The following PPFIA3 variants were observed in gnomAD, a reference collection of about 807,000 sequenced individuals.
PPFIA3 encodes liprin-alpha-3.
A neutral mutation model predicts 145.8 loss-of-function variants in PPFIA3; 26 were observed. The observed-to-expected ratio is 0.18, with a 90% CI of 0.13 to 0.25. The LOEUF is 0.25. Among genes scored for constraint, PPFIA3 ranks in the 10% least tolerant of loss-of-function variants. PPFIA3 has a pLI of 1.00. For synonymous variants in PPFIA3, 645 were observed against 661.4 expected, an observed-to-expected ratio of 0.98 and a Z score of 0.38; for missense variants, 1,008 against 1,587.8, an observed-to-expected ratio of 0.63 and a Z score of 6.21.
At position 49,146,196 on chromosome 19, in the gene PPFIA3, G is replaced by C. The variant is rs1212276206; in HGVS notation, c.2835+4G>C. On this transcript the variant is annotated splice_donor_region_variant and intron_variant, in intron 23 of 29. Coordinates refer to ENST00000334186, the MANE Select transcript of PPFIA3 (RefSeq NM_003660.4). ...CAAGGAGATCAGCTGGGAGCAGGTA[G>C]GGGGCGCGGGGCGGGGCGTGAGCGC... 1 of 1,613,720 alleles carries C rather than the reference G, an allele frequency of 6.2e-7. No homozygotes were observed. The highest frequency in any genetic ancestry group is 1.3e-5 in the African/African-American group (1 of 74,936).
chr19:49,149,555 C>A lies in PPFIA3; in HGVS notation c.3363C>A (p.Ala1121=). ...CCGGCTCCTATACCTAGGACAGCGC[C>A]AAGTCTTTCAGCCGCTCCCCATCCT... ...GTDRRLDEDS[A]KSFSRSPSWR... is the part of the protein sequence containing the mutation. Residue 1121 remains alanine, a synonymous_variant, in exon 28 of 30, where the codon GCC becomes GCA. Transcript: ENST00000334186. This position sits in a 1 kb window ranked among gnomAD's most constrained non-coding sequence, Gnocchi z 5.7. The A allele has an allele frequency of 6.2e-7, 1 of 1,614,188 alleles. No individual in the cohort carries two copies. Among genetic ancestry groups the A allele is most frequent in the Non-Finnish European group, 8.5e-7 (1 of 1,180,034 alleles).
In PPFIA3 at chr19:49,130,543, C is replaced by T; in HGVS notation, c.823C>T (p.Arg275Cys). ...QLEEELGTAH[R>C]ELGKAEEANS... The stretch of plus-strand genomic sequence containing the variant: ...GGAGGAGGAGTTGGGCACCGCGCAC[C>T]GTGAGCTGGGCAAGGCAGAGGAAGC... The change falls in exon 7 of 30, where the codon CGT (arginine) becomes TGT (cysteine). Residue 275 changes from arginine to cysteine, a missense_variant. Around this residue, in one of 11 missense-constraint regions of PPFIA3, gnomAD observed 136 missense variants for 160.7 expected, o/e 0.85. Transcript: ENST00000334186. The surrounding 1 kb of genome is among the most constrained non-coding windows in gnomAD (Gnocchi z 4.5). 1.9e-6 allele frequency: 3 copies of T among 1,576,950 alleles called. No homozygotes were observed. Among genetic ancestry groups the T allele is most frequent in the Non-Finnish European group, 1.7e-6 (2 of 1,162,324 alleles).
chr19:49,141,994 A>T (rs1467854574), intron 19 of PPFIA3, 40 bp from the exon 20 acceptor site: 7 of 1,522,008 alleles, frequency 4.6e-6, no homozygotes, highest in Non-Finnish European at 6.2e-6. Flanking sequence ...GGGGGTCTCC[A>T]TCCCTGACAG....
intron 18 of PPFIA3, among the ~76,000 whole-genome samples, chr19:49,140,756 G>A (rs1180284597): frequency 1.4e-5 from 2 of 140,350 alleles, no homozygotes; most frequent in African/African-American, 5.4e-5. Context: ...CCAGGTTCAT[G>A]CCATTCTCCT....
At chr19:49,144,779 A>T (rs2041261664) in intron 21 of PPFIA3, among the ~76,000 whole-genome samples, 1 of 152,060 alleles carries the variant, frequency 6.6e-6, no homozygotes, top group Non-Finnish European at 1.5e-5. Context: ...GGATGCTCAG[A>T]GACCTGTACT....
chr19:49,141,353 C>A, intron 18 of PPFIA3, 67 bp from the exon 19 acceptor site: 2 of 1,264,796 alleles, frequency 1.6e-6, no homozygotes, highest in Non-Finnish European at 2.3e-6. Context: ...TTCCTCATCA[C>A]CTCCAGCATG....
At position 49,128,352 on chromosome 19, in the gene PPFIA3, C is replaced by G. The variant is rs771097332; in HGVS notation, c.241-15C>G. On this transcript the variant is annotated splice_polypyrimidine_tract_variant and intron_variant, in intron 2 of 29. Transcript: ENST00000334186. This position sits in a 1 kb window ranked among gnomAD's most constrained non-coding sequence, Gnocchi z 4.1. ...GATTGAGCCGAATGTCCAGATCCTG[C>G]CAATGTCTGGACAGGAGTTTGCAGC... The G allele has an allele frequency of 6.2e-7, 1 of 1,610,460 alleles. No homozygotes were observed. The highest frequency in any genetic ancestry group is 1.1e-5 in the South Asian group (1 of 91,000).
chr19:49,135,843 C>T lies in PPFIA3; in HGVS notation c.1585C>T (p.His529Tyr). Residue 529 changes from histidine to tyrosine, a missense_variant, in exon 14 of 30, where the codon CAC becomes TAC. By Grantham distance (83) the His-to-Tyr change is moderately conservative. Coordinates refer to ENST00000334186, the MANE Select transcript of PPFIA3 (RefSeq NM_003660.4). Reference sequence around the variant, plus strand: ...GGCACCCACTTTACCTTCTGGTGCCCACCTGGATCCCTATGTGGCTGGCAG... The same window carrying T: ...GGCACCCACTTTACCTTCTGGTGCCTACCTGGATCCCTATGTGGCTGGCAG... ...SQAPTLPSGA[H>Y]LDPYVAGSGR... The T allele has an allele frequency of 1.9e-6, 3 of 1,614,032 alleles. No homozygotes were observed. The highest frequency in any genetic ancestry group is 2.5e-6 in the Non-Finnish European group (3 of 1,179,970).
Position 49,128,697 on chromosome 19 carries a change from C to T in PPFIA3, c.343-151C>T. ...TTTCTGTACCACCGGTTCCTTGACC[C>T]CGACCTCCTCTCTTTTCCTGACCTG... is the stretch of plus-strand genomic sequence containing the variant. On this transcript the variant is annotated intron_variant, in intron 3 of 29. Transcript: ENST00000334186. The surrounding 1 kb of genome is among the most constrained non-coding windows in gnomAD (Gnocchi z 4.1). 1.2e-6 allele frequency: 1 copy of T among 864,884 alleles called. No homozygotes were observed. Among genetic ancestry groups the T allele is most frequent in the Non-Finnish European group, 1.8e-6 (1 of 568,370 alleles). The allele number at this position is 864,884 out of a possible 1,614,324, so 53.6% of individuals were successfully genotyped here.
At chr19:49,140,498 G>A (rs1478827584) in intron 18 of PPFIA3, among the ~76,000 whole-genome samples, 1 of 150,728 alleles carries the variant, frequency 6.6e-6, no homozygotes, top group African/African-American at 2.4e-5. Flanking sequence ...ATAGGCGCCC[G>A]CCACTATGCC....
At chr19:49,148,885 A>G in intron 25 of PPFIA3, 108 bp from the exon 26 acceptor site, 1 of 1,563,930 alleles carries the variant, frequency 6.4e-7, no homozygotes, top group Non-Finnish European at 8.8e-7. Flanking sequence ...GGGTGGAGCC[A>G]GCGTGGGGGG....
Position 49,142,090 on chromosome 19 carries a change from G to T in PPFIA3, c.2519G>T (p.Gly840Val). The T allele has an allele frequency of 6.3e-7, 1 of 1,575,624 alleles. No individual in the cohort carries two copies. The highest frequency in any genetic ancestry group is 2.3e-5 in the East Asian group (1 of 43,432). The stretch of plus-strand genomic sequence containing the variant: ...GGCCTACCTTTTGCTGCCTGGGACG[G>T]GCCCACCGTGGTGTCCTGGCTGGAG... ...RQGLPFAAWDGPTVVSWLELW... is the reference protein window; with the variant it reads ...RQGLPFAAWDVPTVVSWLELW... The change falls in exon 20 of 30, where the codon GGG becomes GTG. Residue 840 changes from glycine (G) to valine (V), a missense_variant. By Grantham distance (109) the Gly-to-Val change is moderately radical (BLOSUM62 -3). Transcript: ENST00000334186.
Position 49,139,695 on chromosome 19 carries a change from G to A in PPFIA3, c.2104G>A (p.Ala702Thr), listed in dbSNP as rs2041190489. The A allele has an allele frequency of 6.2e-7, 1 of 1,609,112 alleles. No homozygotes were observed. Among genetic ancestry groups the A allele is most frequent in the Non-Finnish European group, 8.5e-7 (1 of 1,177,610 alleles). The change falls in exon 17 of 30, where the codon GCT (alanine) becomes ACT (threonine). Residue 702 changes from alanine to threonine, a missense_variant. Around this residue, in one of 11 missense-constraint regions of PPFIA3, gnomAD observed 202 missense variants for 241.8 expected, o/e 0.84. Transcript: ENST00000334186. ...TCATGTCCCTAAGGAGGAAGCTGGA[G>A]CTCCACGAGGGGAGGGGCCGGCCAT... Reference protein sequence around the residue: ...ANHVPKEEAGAPRGEGPAIPG... With the variant: ...ANHVPKEEAGTPRGEGPAIPG...
At chr19:49,125,944 T>TG (rs2040992230) in intron 1 of PPFIA3, among the ~76,000 whole-genome samples, 1 of 145,952 alleles carries the variant, frequency 6.9e-6, no homozygotes, top group African/African-American at 2.6e-5. Context: ...TTTTTTTTTG[T>TG]TTGTTTGTTT....
chr19:49,134,081 C>G lies in PPFIA3; in HGVS notation c.1293C>G (p.Ser431=). ...KMNDDHNKRL[S]ETVDKLLSES... ...ACGATGACCACAATAAGCGGCTGTC[C>G]GAGACGGTGGACAAGCTGCTGAGCG... is the stretch of plus-strand genomic sequence containing the variant. Residue 431 remains serine, a synonymous_variant, in exon 11 of 30, where the codon TCC becomes TCG. Coordinates refer to ENST00000334186, the MANE Select transcript of PPFIA3 (RefSeq NM_003660.4). The G allele has an allele frequency of 6.2e-7, 1 of 1,613,938 alleles. No homozygotes were observed. The highest frequency in any genetic ancestry group is 1.1e-5 in the South Asian group (1 of 91,076).
At chr19:49,142,284 A>AG (rs1378924990) in intron 20 of PPFIA3, among the ~76,000 whole-genome samples, 169 bp downstream of exon 20, 1 of 151,968 alleles carries the variant, frequency 6.6e-6, no homozygotes, top group East Asian at 1.9e-4. Flanking sequence ...CTGTTCACCT[A>AG]AACAGTTTCT....
Position 49,149,950 on chromosome 19 carries a change from A to G in PPFIA3, c.3527-130A>G. 8.2e-7 allele frequency: 1 copy of G among 1,213,000 alleles called. No individual in the cohort carries two copies. Among genetic ancestry groups the G allele is most frequent in the Non-Finnish European group, 1.2e-6 (1 of 868,132 alleles). 75.1% of individuals were successfully genotyped at this position (1,213,000 alleles called of 1,614,324 possible). ...CGAGTTTGAGTCCTTGGCTGCGGGG[A>G]AGGGAGGGAAACCCATGTGGAGCCC... is the stretch of plus-strand genomic sequence containing the variant. On this transcript the variant is annotated intron_variant, in intron 28 of 29. Coordinates refer to ENST00000334186, the MANE Select transcript of PPFIA3 (RefSeq NM_003660.4). The surrounding 1 kb of genome is among the most constrained non-coding windows in gnomAD (Gnocchi z 5.7).
chr19:49,119,623 C>G lies in PPFIA3; in HGVS notation c.-115C>G, dbSNP rs1210204280. ...CTCCAGGGCTCCGAAGCGACAGAGC[C>G]GGGCCCCGGCCGCTGCCAGGGGCCC... is the stretch of plus-strand genomic sequence containing the variant. On this transcript the variant is annotated 5_prime_UTR_variant, in exon 1 of 30. Transcript: ENST00000334186. 6.6e-6 allele frequency: 1 copy of G among 152,482 alleles called. No individual in the cohort carries two copies. Among genetic ancestry groups the G allele is most frequent in the South Asian group, 1.9e-4 (1 of 5,174 alleles). The allele number at this position is 152,482 out of a possible 1,614,324, so 9.4% of individuals were successfully genotyped here. A position where few individuals can be genotyped will look rare whatever the true frequency, so the allele number is the denominator to read the frequency against.
In PPFIA3 at chr19:49,133,797, C is replaced by T; in HGVS notation, c.1163C>T (p.Ala388Val). The T allele has an allele frequency of 1.2e-6, 2 of 1,613,242 alleles. No individual in the cohort carries two copies. The highest frequency in any genetic ancestry group is 1.7e-6 in the Non-Finnish European group (2 of 1,179,968). The change falls in exon 10 of 30, where the codon GCC becomes GTC. Residue 388 changes from alanine (A) to valine (V), a missense_variant and splice_region_variant. Transcript: ENST00000334186. The surrounding 1 kb of genome is among the most constrained non-coding windows in gnomAD (Gnocchi z 7.2). The part of the protein sequence containing the change: ...LAQRVAALNK[A>V]EERHGNFEER... The stretch of plus-strand genomic sequence containing the variant: ...CACGCCATGGGTTCCATCTCCTAGG[C>T]CGAGGAACGTCATGGGAATTTTGAG...
Sources: gnomAD v4.1 joint callset for allele counts (sites outside exome capture counted in the v4.1 genomes callset) on GRCh38, gnomAD v4.1.1 for gene constraint, gnomAD v4.1.1 regional missense constraint, Gnocchi (gnomAD v3.1) non-coding constraint, MANE v1.5 for transcripts, NCBI Gene and HGNC (gene_info 2026-07-23, HGNC 2026-07-21) for gene names.